Variants in TBC1D19 observed in about 807,000 individuals in gnomAD.
The protein encoded by TBC1D19 is TBC1 domain family, member 19.
In TBC1D19, 60 loss-of-function variants were observed where a neutral mutation model predicts 89.0. The observed-to-expected ratio is 0.67, with a 90% CI of 0.55 to 0.84. The LOEUF (loss-of-function observed/expected upper bound fraction) is 0.84. Ranked by LOEUF, TBC1D19 falls within the 40% of genes least tolerant of loss-of-function variation. TBC1D19 has a pLI of 0.00. For synonymous variants in TBC1D19, 189 were observed against 199.7 expected, an observed-to-expected ratio of 0.95 and a Z score of 0.45; for missense variants, 500 against 610.8, an observed-to-expected ratio of 0.82 and a Z score of 1.91.
chr4:26,686,553 C>T (rs916605071), intron 12 of TBC1D19, among the ~76,000 whole-genome samples: 2 of 152,014 alleles, frequency 1.3e-5, no homozygotes, highest in African/African-American at 2.4e-5. Flanking sequence ...GATTAATTAA[C>T]TTCTCTCTAA....
the TBC1D19 span, among the ~76,000 whole-genome samples, chr4:26,784,004 C>T: frequency 2.6e-5 from 4 of 152,148 alleles, no homozygotes; most frequent in Middle Eastern, 3.2e-3. Context: ...TTGTTGGTCA[C>T]CAGGGAACCA....
downstream of TBC1D19, among the ~76,000 whole-genome samples, chr4:26,760,801 T>A (rs1230837005): frequency 1.3e-5 from 2 of 152,226 alleles, no homozygotes; most frequent in African/African-American, 4.8e-5. Context: ...TTTGCTTAAG[T>A]CAAAGTCACA....
At chr4:26,837,686 G>C in the TBC1D19 span, among the ~76,000 whole-genome samples, 1 of 152,186 alleles carries the variant, frequency 6.6e-6, no homozygotes, top group Non-Finnish European at 1.5e-5. Context: ...GCGATCATCT[G>C]TATGGAGGAG....
chr4:26,605,040 T>G (rs1046110376), intron 1 of TBC1D19, among the ~76,000 whole-genome samples: 1 of 151,734 alleles, frequency 6.6e-6, no homozygotes. Flanking sequence ...CTACCATTCT[T>G]TTTTTATTTT....
In TBC1D19 at chr4:26,673,803, C is replaced by T. The variant is rs753348684; in HGVS notation, c.731C>T (p.Ala244Val). Reference protein sequence around the residue: ...KVLAEQDSAAAQQYIRQGSPT... With the variant: ...KVLAEQDSAAVQQYIRQGSPT... The stretch of plus-strand genomic sequence containing the variant: ...CTAGCAGAACAAGATAGTGCTGCTG[C>T]TCAACAGTACATCAGACAAGGAAGT... Residue 244 changes from alanine to valine, a missense_variant, in exon 11 of 21, where the codon GCT becomes GTT. Physicochemically the swap from Ala to Val is moderately conservative, Grantham distance 64 (BLOSUM62 0). Around this residue, in one of 2 missense-constraint regions of TBC1D19, gnomAD observed 280 missense variants for 291.7 expected, o/e 0.96. Transcript: ENST00000264866. 6.2e-6 allele frequency: 10 copies of T among 1,611,420 alleles called. No homozygotes were observed. Among genetic ancestry groups the T allele is most frequent in the Middle Eastern group, 1.6e-4 (1 of 6,082 alleles).
intron 13 of TBC1D19, among the ~76,000 whole-genome samples, chr4:26,706,589 G>C (rs149546933): frequency 1.4e-3 from 210 of 151,938 alleles, no homozygotes; most frequent in Non-Finnish European, 2.3e-3. Flanking sequence ...AGCCTAGTTT[G>C]CCCATTTTTT....
chr4:26,810,404 C>T, the TBC1D19 span, among the ~76,000 whole-genome samples: 1 of 152,196 alleles, frequency 6.6e-6, no homozygotes, highest in African/African-American at 2.4e-5. Flanking sequence ...ATCCAGGCCA[C>T]TTACAAGGCA....
intron 1 of TBC1D19, among the ~76,000 whole-genome samples, chr4:26,589,956 C>T (rs995972966): frequency 1.3e-5 from 2 of 152,156 alleles, no homozygotes; most frequent in Non-Finnish European, 2.9e-5. Context: ...TGCTCTCAGT[C>T]TTTTGTATGG....
At chr4:26,588,584 C>T (rs1261847854) in intron 1 of TBC1D19, among the ~76,000 whole-genome samples, 3 of 151,938 alleles carry the variant, frequency 2.0e-5, no homozygotes, top group Admixed American at 6.5e-5. Context: ...TTATCTGTGT[C>T]TATAAATTAG....
the TBC1D19 span, among the ~76,000 whole-genome samples, chr4:26,842,587 T>TTTCTTTCTTTCTTC: frequency 1.8e-4 from 6 of 34,132 alleles, no homozygotes; most frequent in Non-Finnish European, 3.7e-4. Context: ...TCCCTCCCTT[T>TTTCTTTCTTTCTTC]CTTTCTTTCT....
At chr4:26,748,634 C>A in intron 19 of TBC1D19, 108 bp downstream of exon 19, 1 of 814,266 alleles carries the variant, frequency 1.2e-6, no homozygotes, top group Non-Finnish European at 2.0e-6. Context: ...ACTTCTAATT[C>A]ATGAACAATT....
the TBC1D19 span, among the ~76,000 whole-genome samples, chr4:26,816,222 C>G: frequency 7.1e-6 from 1 of 141,668 alleles, no homozygotes; most frequent in African/African-American, 2.7e-5. Flanking sequence ...TACCCAGGGG[C>G]TTGTAGCTTG....
chr4:26,801,784 A>T, the TBC1D19 span, among the ~76,000 whole-genome samples: 6 of 152,184 alleles, frequency 3.9e-5, no homozygotes, highest in African/African-American at 7.2e-5. Context: ...CAATTCACAA[A>T]AAAATCCATG....
At chr4:26,673,604 A>G (rs1712532427) in intron 10 of TBC1D19, among the ~76,000 whole-genome samples, 172 bp from the exon 11 acceptor site, 1 of 151,818 alleles carries the variant, frequency 6.6e-6, no homozygotes, top group African/African-American at 2.4e-5. Context: ...GAGGGCTGCA[A>G]ATAGGGCTGT....
chr4:26,842,596 C>CTTTCTT, the TBC1D19 span, among the ~76,000 whole-genome samples: 2 of 112,106 alleles, frequency 1.8e-5, no homozygotes, highest in African/African-American at 3.6e-5. Flanking sequence ...TTCTTTCTTT[C>CTTTCTT]TTTCTTTCTT....
At chr4:26,666,637 C>T (rs1052269643) in intron 9 of TBC1D19, among the ~76,000 whole-genome samples, 11 of 151,896 alleles carry the variant, frequency 7.2e-5, no homozygotes, top group Non-Finnish European at 2.9e-5. Flanking sequence ...TTTGAAAAGT[C>T]ATTAGACATA....
rs138294869 is a variant in TBC1D19, at chr4:26,678,083, A to C, written c.816+4195A>C. ...GGAATAGTTTGGAGGGCTCAGAAGA[A>C]GACAGGAAAATGTGGGAAAGTTTGG... is the stretch of plus-strand genomic sequence containing the variant. On this transcript the variant is annotated intron_variant, in intron 11 of 20. Coordinates refer to ENST00000264866, the MANE Select transcript of TBC1D19 (RefSeq NM_018317.4). Among the ~76,000 whole-genome samples, 1,291 of 152,322 alleles carry C rather than the reference A, an allele frequency of 8.5e-3. 14 individuals are homozygous for C. The highest frequency in any genetic ancestry group is 0.029 in the African/African-American group (1,190 of 41,570).
chr4:26,632,971 T>A (rs1392604288), intron 4 of TBC1D19, among the ~76,000 whole-genome samples: 2 of 152,114 alleles, frequency 1.3e-5, no homozygotes, highest in African/African-American at 2.4e-5. Flanking sequence ...AGCTGTTGAA[T>A]TTCTCTAAAA....
At chr4:26,717,145 C>T (rs774630071) in intron 13 of TBC1D19, among the ~76,000 whole-genome samples, 7 of 152,042 alleles carry the variant, frequency 4.6e-5, no homozygotes, top group Non-Finnish European at 7.4e-5. Flanking sequence ...TTTCCTCTCC[C>T]TTCACTCTTG....
Sources: allele counts gnomAD v4.1 joint callset (sites outside exome capture counted in the v4.1 genomes callset), GRCh38; gene constraint gnomAD v4.1.1; regional missense constraint gnomAD v4.1.1; transcripts MANE v1.5; gene names NCBI Gene and HGNC (gene_info 2026-07-23, HGNC 2026-07-21).